The following TNRC6A variants were observed in gnomAD, a reference collection of about 807,000 sequenced individuals.
TNRC6A encodes trinucleotide repeat containing adaptor 6A, also known as trinucleotide repeat-containing gene 6A protein.
TNRC6A carries 44 observed loss-of-function variants against 221.2 expected under a neutral mutation model. The observed-to-expected ratio is 0.20, with a 90% CI of 0.16 to 0.26. The LOEUF is 0.26. Among genes scored for constraint, TNRC6A ranks in the 10% least tolerant of loss-of-function variants. The probability of loss-of-function intolerance (pLI) is 1.00; values close to 1 mark genes in which losing one functional copy is unlikely to be tolerated. For synonymous variants in TNRC6A, 847 were observed against 838.5 expected (o/e 1.01, Z -0.18); for missense variants, 2,199 against 2,404.4 (o/e 0.91, Z 1.79).
At chr16:24,678,100 A>T (rs1039457580) in intron 2 of TNRC6A, among the ~76,000 whole-genome samples, 2 of 152,092 alleles carry the variant, frequency 1.3e-5, no homozygotes, top group Admixed American at 6.6e-5. Flanking sequence ...GCCTGAGCTC[A>T]GGAGTTCAAG....
At chr16:24,654,863 T>C (rs759517857) in intron 2 of TNRC6A, among the ~76,000 whole-genome samples, 1 of 152,196 alleles carries the variant, frequency 6.6e-6, no homozygotes, top group Non-Finnish European at 1.5e-5. Flanking sequence ...ATCAGACACA[T>C]AACCAAAAAC....
chr16:24,652,167 A>C (rs9941159), intron 2 of TNRC6A, among the ~76,000 whole-genome samples: 26,080 of 151,912 alleles, frequency 0.17, 2,352 homozygotes, highest in Non-Finnish European at 0.21. Flanking sequence ...AATAAGAAGA[A>C]CGCATGTATG....
At chr16:24,814,222 A>G (rs2058605165) in intron 18 of TNRC6A, among the ~76,000 whole-genome samples, 1 of 151,972 alleles carries the variant, frequency 6.6e-6, no homozygotes, top group East Asian at 1.9e-4. Flanking sequence ...AGCCAGAGGA[A>G]AGAGTGGGGC....
intron 17 of TNRC6A, 50 bp from the exon 18 acceptor site, chr16:24,809,300 G>GA (rs764554644): frequency 1.6e-5 from 23 of 1,431,694 alleles, no homozygotes; most frequent in Non-Finnish European, 2.0e-5. Context: ...CTACTAGAAA[G>GA]AAAATGTGCT....
At chr16:24,649,644 C>T (rs1320465513) in intron 2 of TNRC6A, among the ~76,000 whole-genome samples, 3 of 151,886 alleles carry the variant, frequency 2.0e-5, no homozygotes, top group East Asian at 3.9e-4. Context: ...GGTAAGAACA[C>T]TTAATATCTA....
chr16:24,636,326 T>C (rs1275830867), intron 1 of TNRC6A, among the ~76,000 whole-genome samples: 6 of 152,266 alleles, frequency 3.9e-5, no homozygotes, highest in East Asian at 3.9e-4. Flanking sequence ...CTTCTATTAT[T>C]GTAATGTTAG....
At chr16:24,624,467 C>T (rs1017344588) in intron 1 of TNRC6A, among the ~76,000 whole-genome samples, 5 of 151,150 alleles carry the variant, frequency 3.3e-5, no homozygotes, top group African/African-American at 9.8e-5. Context: ...TGCTAAGGAC[C>T]GTTTGTTTGT....
chr16:24,701,359 C>CTT (rs66524700), intron 2 of TNRC6A, among the ~76,000 whole-genome samples: 1 of 147,966 alleles, frequency 6.8e-6, no homozygotes, highest in African/African-American at 2.5e-5. Context: ...ACCTTACTAA[C>CTT]TTTTTTTTCT....
chr16:24,673,622 G>A (rs2055349445), intron 2 of TNRC6A, among the ~76,000 whole-genome samples: 1 of 152,146 alleles, frequency 6.6e-6, no homozygotes, highest in African/African-American at 2.4e-5. Flanking sequence ...GTGCAGTGGT[G>A]CAATCACGGC....
chr16:24,691,026 C>T (rs566353878), intron 2 of TNRC6A, among the ~76,000 whole-genome samples: 5 of 151,828 alleles, frequency 3.3e-5, no homozygotes, highest in African/African-American at 9.7e-5. Flanking sequence ...AGCCAGGATT[C>T]GTCTCGATCT....
At chr16:24,664,247 G>A (rs76538659) in intron 2 of TNRC6A, among the ~76,000 whole-genome samples, 4,255 of 151,862 alleles carry the variant, frequency 0.028, 173 homozygotes, top group African/African-American at 0.097. Flanking sequence ...CAGGAGAATC[G>A]TTGCACCTTG....
chr16:24,718,023 C>A (rs1370401061), intron 2 of TNRC6A, among the ~76,000 whole-genome samples: 1 of 152,116 alleles, frequency 6.6e-6, no homozygotes, highest in African/African-American at 2.4e-5. Flanking sequence ...GGTGATCCAC[C>A]CACCTCAGCC....
Position 24,815,253 on chromosome 16 carries a change from C to T in TNRC6A, c.4779C>T (p.Gly1593=). Residue 1593 remains glycine (G), a synonymous_variant, in exon 19 of 25, where the codon GGC becomes GGT. Coordinates refer to ENST00000395799, the MANE Select transcript of TNRC6A (RefSeq NM_014494.4). ...GTCCTCCAGGTTCAATAGGAGATGG[C>T]TGGCCACGTGCCAAATCGCCTAACG... The part of the protein sequence containing the change: ...PASPPGSIGD[G]WPRAKSPNGS... 6.2e-7 allele frequency: 1 copy of T among 1,614,234 alleles called. No individual in the cohort carries two copies. The highest frequency in any genetic ancestry group is 8.5e-7 in the Non-Finnish European group (1 of 1,180,040).
At position 24,640,654 on chromosome 16, in the gene TNRC6A, G is replaced by A. The variant is rs145649667; in HGVS notation, n.277-230G>A. 5.1e-4 allele frequency among the ~76,000 whole-genome samples: 78 copies of A among 151,618 alleles called. No homozygotes were observed. The East Asian group carries it at 0.012, about 24-fold the overall frequency. On this transcript the variant is annotated intron_variant and non_coding_transcript_variant, in intron 1 of 2. Transcript: ENST00000566108. ...TGTGGCAGGAGGATCGCCTGAGCCC[G>A]GGAGGCGGAAGTTGCAGTGAACCAA...
chr16:24,814,252 C>T (rs920410425), intron 18 of TNRC6A, among the ~76,000 whole-genome samples: 8 of 151,722 alleles, frequency 5.3e-5, no homozygotes, highest in African/African-American at 1.7e-4. Flanking sequence ...ATGCAGGGCC[C>T]GGCTGTGTGT....
At chr16:24,772,493 T>A (rs1372574168) in intron 4 of TNRC6A, among the ~76,000 whole-genome samples, 3 of 142,736 alleles carry the variant, frequency 2.1e-5, no homozygotes, top group Non-Finnish European at 3.1e-5. Flanking sequence ...AAACCCTGCC[T>A]AAAAAAAAAA....
At chr16:24,695,508 T>C (rs1341799840) in intron 2 of TNRC6A, among the ~76,000 whole-genome samples, 1 of 152,154 alleles carries the variant, frequency 6.6e-6, no homozygotes, top group Non-Finnish European at 1.5e-5. Context: ...CAAGTGATTC[T>C]CCTGCCTCAG....
At chr16:24,738,042 G>A (rs919053185) in intron 2 of TNRC6A, among the ~76,000 whole-genome samples, 8 of 152,292 alleles carry the variant, frequency 5.3e-5, no homozygotes, top group African/African-American at 1.9e-4. Context: ...GTCATAAAAT[G>A]TGCATTCTCT....
chr16:24,786,516 G>A (rs1474513730), intron 5 of TNRC6A, among the ~76,000 whole-genome samples: 3 of 151,712 alleles, frequency 2.0e-5, no homozygotes, highest in African/African-American at 4.8e-5. Context: ...GGCTTTCTCC[G>A]TGTTAGCCAG....
Sources: allele counts gnomAD v4.1 joint callset (sites outside exome capture counted in the v4.1 genomes callset), GRCh38; gene constraint gnomAD v4.1.1; transcripts MANE v1.5; gene names NCBI Gene and HGNC (gene_info 2026-07-23, HGNC 2026-07-21).